The following ZNF611 variants were observed in gnomAD, a reference collection of about 807,000 sequenced individuals.
ZNF611 encodes the protein zinc finger protein 611.
ZNF611 carries 6 observed loss-of-function variants against 8.9 expected under a neutral mutation model. That is an observed-to-expected ratio of 0.68 (90% CI 0.37 to 1.34). The LOEUF (loss-of-function observed/expected upper bound fraction) is 1.34. Among genes scored for constraint, ZNF611 ranks in the 40% most tolerant of loss-of-function variants. The pLI is 0.02. For synonymous variants in ZNF611, 262 were observed against 279.7 expected, an observed-to-expected ratio of 0.94 and a Z score of 0.63; for missense variants, 874 against 841.3, an observed-to-expected ratio of 1.04 and a Z score of -0.48.
chr19:52,717,443 G>C (rs2062325111), intron 3 of ZNF611, among the ~76,000 whole-genome samples: 1 of 152,186 alleles, frequency 6.6e-6, no homozygotes, highest in Non-Finnish European at 1.5e-5. Context: ...CCTGAGACAG[G>C]AGCAACCTCA....
At chr19:52,719,600 T>C (rs977006415) in intron 3 of ZNF611, among the ~76,000 whole-genome samples, 1 of 152,166 alleles carries the variant, frequency 6.6e-6, no homozygotes, top group Non-Finnish European at 1.5e-5. Flanking sequence ...TCCAATCAAC[T>C]CACCGCTCAT....
chr19:52,719,696 T>C (rs534558864), intron 3 of ZNF611, among the ~76,000 whole-genome samples: 91 of 152,236 alleles, frequency 6.0e-4, no homozygotes, highest in Non-Finnish European at 1.2e-3. Context: ...CATCTGTTTC[T>C]TTTCTGCATT....
At chr19:52,721,721 G>GAGGGAGAGGGAA (rs2062361307) in intron 3 of ZNF611, among the ~76,000 whole-genome samples, 1 of 151,908 alleles carries the variant, frequency 6.6e-6, no homozygotes, top group African/African-American at 2.4e-5. Context: ...GGCAGAGGGA[G>GAGGGAGAGGGAA]AGGGAGAGGG....
At chr19:52,708,166 A>G (rs2062257227) in intron 5 of ZNF611, 1 of 152,184 alleles carries the variant, frequency 6.6e-6, no homozygotes, top group Non-Finnish European at 1.5e-5. Flanking sequence ...AATACATGTT[A>G]AGATCACTAC....
intron 4 of ZNF611, among the ~76,000 whole-genome samples, chr19:52,714,485 C>T (rs765474406): frequency 2.8e-4 from 43 of 151,598 alleles, no homozygotes; most frequent in South Asian, 6.2e-4. Context: ...GTCAAGAGTT[C>T]GAGACCAGCC....
intron 3 of ZNF611, chr19:52,716,182 GCA>G: frequency 2.8e-6 from 1 of 359,718 alleles, no homozygotes; most frequent in Non-Finnish European, 5.1e-6. Flanking sequence ...CCCCTTCAGG[GCA>G]CAGACTCATC....
In ZNF611 at chr19:52,714,744, A is replaced by C; in HGVS notation, c.64-603T>G. 1.6e-5 allele frequency among the ~76,000 whole-genome samples: 2 copies of C among 128,298 alleles called. 1 individual carries two copies. The highest frequency in any genetic ancestry group is 3.2e-5 in the Non-Finnish European group (2 of 62,100). 84.2% of individuals were successfully genotyped at this position (128,298 alleles called of 152,430 possible). On this transcript the variant is annotated intron_variant, in intron 4 of 5. Transcript: ENST00000652185. Reference sequence around the variant, plus strand: ...ATGCCGGGCAGTGACTGTCACCTGTAATCCCAGCACTTTGGGAGACCAAGA... The same window carrying C: ...ATGCCGGGCAGTGACTGTCACCTGTCATCCCAGCACTTTGGGAGACCAAGA...
At chr19:52,733,426 G>C (rs1031114823) in intron 1 of ZNF611, among the ~76,000 whole-genome samples, 4 of 152,086 alleles carry the variant, frequency 2.6e-5, no homozygotes, top group Non-Finnish European at 5.9e-5. Flanking sequence ...TTGGCCACCA[G>C]AGCAGCTGGG....
At position 52,724,380 on chromosome 19, in the gene ZNF611, T is replaced by A. The variant is rs2147441954; in HGVS notation, c.-20+4350A>T. 1.3e-5 allele frequency: 2 copies of A among 152,574 alleles called. 1 individual carries two copies. Among genetic ancestry groups the A allele is most frequent in the Non-Finnish European group, 2.9e-5 (2 of 68,090 alleles). The allele number at this position is 152,574 out of a possible 1,614,324, so 9.5% of individuals were successfully genotyped here. On this transcript the variant is annotated intron_variant, in intron 3 of 5. Transcript: ENST00000652185. ...AGCCCTAAATCCATTAAACCTTGGG[T>A]CAACACAGCACATGTTTCTGTGAGC...
chr19:52,720,284 T>C (rs1179579461), intron 3 of ZNF611, among the ~76,000 whole-genome samples: 1 of 152,212 alleles, frequency 6.6e-6, no homozygotes, highest in Non-Finnish European at 1.5e-5. Flanking sequence ...AGCTGTTGGG[T>C]ACACCTGCAG....
At chr19:52,715,772 A>T (rs1289696655) in intron 4 of ZNF611, 60 bp downstream of exon 4, 9 of 1,599,288 alleles carry the variant, frequency 5.6e-6, no homozygotes, top group Non-Finnish European at 7.6e-6. Context: ...TGGCTGCTAC[A>T]ATACCTGGCA....
chr19:52,717,593 G>A (rs928102654), intron 3 of ZNF611: 1 of 738,762 alleles, frequency 1.4e-6, no homozygotes, highest in Non-Finnish European at 1.7e-6. Flanking sequence ...CTGAAAAAGA[G>A]GCAGCTGTAG....
intron 3 of ZNF611, among the ~76,000 whole-genome samples, chr19:52,718,229 A>G (rs1405326717): frequency 1.3e-5 from 2 of 152,062 alleles, no homozygotes. Context: ...CGCCCCAGCT[A>G]CTCTGGAGGC....
At position 52,720,193 on chromosome 19, in the gene ZNF611, CTGATCTCTCT is replaced by C. The variant is rs2062345746; in HGVS notation, c.-19-4290_-19-4281del. 2.0e-5 allele frequency among the ~76,000 whole-genome samples: 3 copies of C among 152,242 alleles called. No individual in the cohort carries two copies. The South Asian group carries it at 6.2e-4, about 31-fold the overall frequency. ...CTTTCTACACAGACACAGTAACAAT[CTGATCTCTCT>C]TGCTTTTCTCCACATTTCCCCCTTT... On this transcript the variant is annotated intron_variant, in intron 3 of 5. Coordinates refer to ENST00000652185, the MANE Select transcript of ZNF611 (RefSeq NM_001161499.2).
Position 52,705,384 on chromosome 19 carries a change from AG to A in ZNF611, c.1670del (p.Thr557IlefsTer168). On this transcript the variant is annotated frameshift_variant, in exon 6 of 6. Coordinates refer to ENST00000652185, the MANE Select transcript of ZNF611 (RefSeq NM_001161499.2). LOFTEE classifies it low-confidence loss of function (END_TRUNC). ...AAGGTTTCTCTCCACTATGAATTCT[AG>A]TATGTTTTGCCAGATAGGAATGACA... is the stretch of plus-strand genomic sequence containing the variant. ...FACHSYLAKH[T>X]RIHSGEKPYK... is the part of the protein sequence containing the mutation. 1.2e-6 allele frequency: 2 copies of A among 1,613,774 alleles called. No homozygotes were observed. Among genetic ancestry groups the A allele is most frequent in the Non-Finnish European group, 1.7e-6 (2 of 1,179,940 alleles).
At chr19:52,714,234 G>T in intron 4 of ZNF611, 93 bp from the exon 5 acceptor site, 1 of 1,558,002 alleles carries the variant, frequency 6.4e-7, no homozygotes, top group Non-Finnish European at 8.6e-7. Flanking sequence ...GTATTTATTT[G>T]ATCAAAGATT....
In ZNF611 at chr19:52,706,403, G is replaced by T. The variant is rs771540304; in HGVS notation, c.652C>A (p.Leu218Ile). ...ATGTGTACTTCCTGTTTTTGTGGGA[G>T]TAATGAAGAATTCAGGGGATTATTC... ...YGNNPLNSSLLPQKQEVHMRE... is the reference protein window; with the variant it reads ...YGNNPLNSSLIPQKQEVHMRE... The change falls in exon 6 of 6, where the codon CTC (leucine) becomes ATC (isoleucine). Residue 218 changes from leucine to isoleucine, a missense_variant. Leu to Ile is a conservative substitution (Grantham distance 5). Transcript: ENST00000652185. The T allele has an allele frequency of 6.2e-7, 1 of 1,614,188 alleles. No individual in the cohort carries two copies. The highest frequency in any genetic ancestry group is 8.5e-7 in the Non-Finnish European group (1 of 1,180,044).
At position 52,706,321 on chromosome 19, in the gene ZNF611, A is replaced by G. The variant is rs760827017; in HGVS notation, c.734T>C (p.Leu245Pro). The G allele has an allele frequency of 1.7e-5, 27 of 1,614,152 alleles. No homozygotes were observed. Among genetic ancestry groups the G allele is most frequent in the Non-Finnish European group, 2.3e-5 (27 of 1,180,020 alleles). ...KSGKAFNCSS[L>P]LRKHQIPHLG... ...ATGGGGTATCTGGTGTTTCCTTAAG[A>G]GTGAGCTACAATTAAAGGCTTTGCC... is the stretch of plus-strand genomic sequence containing the variant. The change falls in exon 6 of 6, where the codon CTC (leucine) becomes CCC (proline). Residue 245 changes from leucine to proline, a missense_variant. Coordinates refer to ENST00000652185, the MANE Select transcript of ZNF611 (RefSeq NM_001161499.2).
chr19:52,715,934 G>A, intron 3 of ZNF611, 21 bp from the exon 4 acceptor site: 1 of 1,610,742 alleles, frequency 6.2e-7, no homozygotes, highest in Non-Finnish European at 8.5e-7. Flanking sequence ...AAAAAAATGA[G>A]ACTTCATGTT....
Sources: gnomAD v4.1 joint callset for allele counts (sites outside exome capture counted in the v4.1 genomes callset) on GRCh38, gnomAD v4.1.1 for gene constraint, MANE v1.5 for transcripts, NCBI Gene and HGNC (gene_info 2026-07-23, HGNC 2026-07-21) for gene names.